Variants in CNTN5 observed in about 807,000 individuals in gnomAD.
CNTN5 encodes contactin-5.
Under a neutral mutation model 129.1 loss-of-function variants are expected in CNTN5, and 77 were observed. The observed-to-expected ratio is 0.60, with a 90% CI of 0.50 to 0.72. CNTN5 has a LOEUF of 0.72. CNTN5 is among the 30% of genes least tolerant of loss of function. CNTN5 has a pLI of 0.00. For missense variants in CNTN5, 1,478 were observed against 1,328.8 expected (o/e 1.11, Z -1.75); for synonymous variants, 509 against 465.6 (o/e 1.09, Z -1.20).
chr11:99,034,420 G>A (rs1409121408), intron 1 of CNTN5, among the ~76,000 whole-genome samples: 22 of 151,598 alleles, frequency 1.5e-4, no homozygotes, highest in African/African-American at 5.1e-4. Context: ...TGGTTGGTAA[G>A]CTATTGATTA....
intron 13 of CNTN5, among the ~76,000 whole-genome samples, chr11:100,133,181 A>C (rs1946427266): frequency 6.6e-6 from 1 of 152,164 alleles, no homozygotes; most frequent in Non-Finnish European, 1.5e-5. Context: ...GACATTAATG[A>C]TGAATAGCAA....
At chr11:99,031,126 C>G (rs959044077) in intron 1 of CNTN5, among the ~76,000 whole-genome samples, 1 of 151,824 alleles carries the variant, frequency 6.6e-6, no homozygotes, top group Non-Finnish European at 1.5e-5. Flanking sequence ...CAAACTGAAA[C>G]TGAAATCTTT....
At chr11:100,300,243 A>T (rs927422975) in intron 20 of CNTN5, among the ~76,000 whole-genome samples, 2 of 151,462 alleles carry the variant, frequency 1.3e-5, no homozygotes, top group Non-Finnish European at 3.0e-5. Flanking sequence ...TTAATATAAA[A>T]ATGCAATTTT....
chr11:99,857,216 A>G (rs181660283), intron 6 of CNTN5, among the ~76,000 whole-genome samples: 2 of 152,300 alleles, frequency 1.3e-5, no homozygotes, highest in Admixed American at 6.5e-5. Context: ...TGACTTTATT[A>G]GACTATAAAC....
intron 13 of CNTN5, among the ~76,000 whole-genome samples, chr11:100,155,730 C>T (rs906477925): frequency 1.4e-5 from 2 of 147,430 alleles, no homozygotes; most frequent in Admixed American, 6.8e-5. Flanking sequence ...TGAGGTCCTT[C>T]ACATCCCTTG....
intron 2 of CNTN5, among the ~76,000 whole-genome samples, chr11:99,368,704 A>G (rs1018384414): frequency 3.9e-5 from 6 of 152,186 alleles, no homozygotes; most frequent in African/African-American, 1.4e-4. Context: ...ATAAGTGCTT[A>G]GAAGGAAAAC....
At chr11:99,587,291 T>A (rs966724488) in intron 3 of CNTN5, among the ~76,000 whole-genome samples, 1 of 152,340 alleles carries the variant, frequency 6.6e-6, no homozygotes, top group South Asian at 2.1e-4. Context: ...CTCTATTTGC[T>A]ACCATTATAT....
intron 2 of CNTN5, among the ~76,000 whole-genome samples, chr11:99,396,243 A>T (rs1054849651): frequency 1.8e-4 from 28 of 151,512 alleles, no homozygotes; most frequent in South Asian, 8.3e-4. Context: ...TTTTGTGCTC[A>T]TTATTAAATA....
intron 13 of CNTN5, among the ~76,000 whole-genome samples, chr11:100,110,687 C>T (rs575070606): frequency 4.3e-4 from 65 of 152,150 alleles, no homozygotes; most frequent in African/African-American, 1.5e-3. Context: ...TCAATTGTAC[C>T]TTGAAGGGCT....
At position 99,569,547 on chromosome 11, in the gene CNTN5, T is replaced by C. The variant is rs542807634; in HGVS notation, c.55+13278T>C. On this transcript the variant is annotated intron_variant, in intron 3 of 24. Coordinates refer to ENST00000524871, the MANE Select transcript of CNTN5 (RefSeq NM_014361.4). ...CAGGCTGGTCTCGAACTCCTGACCT[T>C]GTGGTCCGCCTGCCTCGGCCTCCCA... Among the ~76,000 whole-genome samples the C allele has an allele frequency of 1.0e-3, 155 of 152,182 alleles. 2 individuals are homozygous for C. Among genetic ancestry groups the C allele is most frequent in the African/African-American group, 3.4e-3 (142 of 41,546 alleles).
At chr11:99,217,346 T>A (rs1466012394) in intron 1 of CNTN5, among the ~76,000 whole-genome samples, 3 of 152,180 alleles carry the variant, frequency 2.0e-5, no homozygotes, top group African/African-American at 7.2e-5. Flanking sequence ...ACATTACTAA[T>A]TATCAGAGAA....
intron 6 of CNTN5, among the ~76,000 whole-genome samples, chr11:99,867,701 G>T (rs1355310318): frequency 3.3e-5 from 5 of 152,048 alleles, no homozygotes; most frequent in African/African-American, 1.2e-4. Flanking sequence ...GGCTTCACTT[G>T]TATAATCCAG....
intron 15 of CNTN5, among the ~76,000 whole-genome samples, chr11:100,204,515 G>T (rs747476803): frequency 1.3e-5 from 2 of 149,480 alleles, no homozygotes; most frequent in African/African-American, 4.9e-5. Flanking sequence ...TCACTCTGTC[G>T]CCTAGGCTAA....
intron 17 of CNTN5, among the ~76,000 whole-genome samples, chr11:100,257,135 G>A (rs1173741569): frequency 3.3e-5 from 5 of 152,094 alleles, no homozygotes; most frequent in African/African-American, 1.2e-4. Flanking sequence ...GATTGAGTCG[G>A]TGGTTTACCC....
chr11:99,960,748 T>G (rs1350297857), intron 8 of CNTN5, among the ~76,000 whole-genome samples: 2 of 152,150 alleles, frequency 1.3e-5, no homozygotes, highest in South Asian at 4.2e-4. Context: ...AATGAAGGCA[T>G]TGGTGTGGTT....
intron 3 of CNTN5, among the ~76,000 whole-genome samples, chr11:99,802,455 G>A (rs1591211276): frequency 1.3e-5 from 2 of 152,308 alleles, no homozygotes; most frequent in Non-Finnish European, 2.9e-5. Context: ...AGTGCCGTTT[G>A]CAAGGGAGAA....
chr11:99,153,693 C>T (rs561505716), intron 1 of CNTN5, among the ~76,000 whole-genome samples: 36 of 152,018 alleles, frequency 2.4e-4, no homozygotes, highest in Admixed American at 1.7e-3. Flanking sequence ...GGTATGAGTG[C>T]AGTTGTTTGG....
At chr11:100,117,248 G>A (rs1478301732) in intron 13 of CNTN5, among the ~76,000 whole-genome samples, 1 of 151,826 alleles carries the variant, frequency 6.6e-6, no homozygotes, top group African/African-American at 2.4e-5. Flanking sequence ...CAGGACCTGG[G>A]TTCTGGTATT....
Position 100,074,040 on chromosome 11 carries a change from G to A in CNTN5, c.1430-104G>A, listed in dbSNP as rs1385191714. On this transcript the variant is annotated intron_variant, in intron 12 of 24. Coordinates refer to ENST00000524871, the MANE Select transcript of CNTN5 (RefSeq NM_014361.4). ...ATGTGTAGATATACTATGATTTTATGAGAAATGCCTCCCAGAAGAAAAAGT... is the reference window on the plus strand; with the variant it reads ...ATGTGTAGATATACTATGATTTTATAAGAAATGCCTCCCAGAAGAAAAAGT... 4.7e-6 allele frequency: 5 copies of A among 1,053,308 alleles called. No individual in the cohort carries two copies. In the East Asian group the frequency reaches 1.3e-4, roughly 27 times the overall value. The allele number at this position is 1,053,308 out of a possible 1,614,324, so 65.2% of individuals were successfully genotyped here.
Sources: gnomAD v4.1 joint callset for allele counts (sites outside exome capture counted in the v4.1 genomes callset) on GRCh38, gnomAD v4.1.1 for gene constraint, MANE v1.5 for transcripts, NCBI Gene and HGNC (gene_info 2026-07-23, HGNC 2026-07-21) for gene names.